THADA: variants seen among roughly 807,000 people sequenced by gnomAD.
The protein encoded by THADA is THADA armadillo repeat containing.
THADA carries 213 observed loss-of-function variants against 219.8 expected under a neutral mutation model. The observed-to-expected ratio is 0.97, with a 90% CI of 0.87 to 1.09. The LOEUF (loss-of-function observed/expected upper bound fraction) is 1.09, where lower values mean the gene tolerates loss of function less well. THADA is among the 50% of genes least tolerant of loss of function. The pLI, the probability that THADA is intolerant of heterozygous loss-of-function variation, is 0.00. For missense variants in THADA, 2,956 were observed against 2,311.3 expected, an observed-to-expected ratio of 1.28 and a Z score of -5.72; for synonymous variants, 1,018 against 828.9, an observed-to-expected ratio of 1.23 and a Z score of -3.92.
intron 21 of THADA, 92 bp from the exon 22 acceptor site, chr2:43,528,080 G>T: frequency 1.2e-6 from 1 of 830,552 alleles, no homozygotes; most frequent in Non-Finnish European, 2.0e-6. Context: ...CCAGGTCTAG[G>T]GGTCCATTCA....
intron 26 of THADA, among the ~76,000 whole-genome samples, chr2:43,461,518 T>C (rs982502622): frequency 6.6e-6 from 1 of 152,216 alleles, no homozygotes; most frequent in Non-Finnish European, 1.5e-5. Flanking sequence ...GATTTCCTTA[T>C]GTACCTGGAA....
intron 26 of THADA, 97 bp downstream of exon 26, chr2:43,485,137 G>T: frequency 1.2e-6 from 1 of 855,370 alleles, no homozygotes; most frequent in Non-Finnish European, 1.9e-6. Flanking sequence ...TGCTCTAGAT[G>T]AATCTATAAC....
Position 43,572,973 on chromosome 2 carries a change from T to C in THADA, c.1749A>G (p.Pro583=), listed in dbSNP as rs1425792565. 6.2e-7 allele frequency: 1 copy of C among 1,613,556 alleles called. No individual in the cohort carries two copies. The highest frequency in any genetic ancestry group is 8.5e-7 in the Non-Finnish European group (1 of 1,179,680). The stretch of plus-strand genomic sequence containing the variant: ...CCCTGCTATTACAAGACCCTAAGGA[T>C]GGGAAAGATTGCTCTTGTCCTGAAA... ...DAKTGQEQSF[P]SLGSCNSRGA... Residue 583 remains proline (P), a synonymous_variant, in exon 12 of 38, where the codon CCA becomes CCG. Coordinates refer to ENST00000405975, the MANE Select transcript of THADA (RefSeq NM_022065.5).
chr2:43,359,005 C>T (rs780975174), intron 29 of THADA, among the ~76,000 whole-genome samples: 2 of 152,090 alleles, frequency 1.3e-5, no homozygotes, highest in Non-Finnish European at 2.9e-5. Flanking sequence ...GGTGGTTGCC[C>T]TTCCCCCTCC....
At chr2:43,478,312 T>A (rs1573853926) in intron 26 of THADA, among the ~76,000 whole-genome samples, 1 of 152,280 alleles carries the variant, frequency 6.6e-6, no homozygotes, top group South Asian at 2.1e-4. Context: ...AATAAAGAAA[T>A]ATTATCCAAG....
chr2:43,370,695 G>C (rs983204660), intron 29 of THADA, among the ~76,000 whole-genome samples: 1 of 152,140 alleles, frequency 6.6e-6, no homozygotes, highest in Non-Finnish European at 1.5e-5. Flanking sequence ...TTCAACAAGG[G>C]TGTATCACAG....
chr2:43,390,815 C>A (rs1252981362), intron 29 of THADA, among the ~76,000 whole-genome samples: 1 of 152,192 alleles, frequency 6.6e-6, no homozygotes, highest in Non-Finnish European at 1.5e-5. Context: ...TGGCACGTAG[C>A]TGGTGTTCAA....
intron 26 of THADA, among the ~76,000 whole-genome samples, chr2:43,464,908 A>G (rs1684052967): frequency 6.6e-6 from 1 of 152,160 alleles, no homozygotes. Flanking sequence ...CTAGCCAGTA[A>G]CGAACATTTT....
At chr2:43,261,971 C>CA (rs1460738268) in intron 36 of THADA, among the ~76,000 whole-genome samples, 1 of 152,096 alleles carries the variant, frequency 6.6e-6, no homozygotes, top group African/African-American at 2.4e-5. Context: ...GGGGCTTTGC[C>CA]ACGTTAGCAA....
At chr2:43,240,874 G>C (rs1343100769) in intron 36 of THADA, among the ~76,000 whole-genome samples, 1 of 152,178 alleles carries the variant, frequency 6.6e-6, no homozygotes, top group Admixed American at 6.5e-5. Context: ...AAATGTGCTG[G>C]CCAGAGCTCT....
At chr2:43,591,682 T>C (rs1701588701) in intron 3 of THADA, among the ~76,000 whole-genome samples, 1 of 152,220 alleles carries the variant, frequency 6.6e-6, no homozygotes, top group Non-Finnish European at 1.5e-5. Context: ...GATTCATATA[T>C]TTTAAAATTT....
At chr2:43,489,135 A>G (rs987099380) in intron 25 of THADA, among the ~76,000 whole-genome samples, 1 of 152,116 alleles carries the variant, frequency 6.6e-6, no homozygotes, top group South Asian at 2.1e-4. Flanking sequence ...GTGTCCTTTG[A>G]AAAACATTTT....
chr2:43,435,474 G>C (rs1573633436), intron 26 of THADA, among the ~76,000 whole-genome samples: 1 of 147,570 alleles, frequency 6.8e-6, no homozygotes, highest in South Asian at 2.3e-4. Context: ...GGAAGGAAGG[G>C]AGGGAGGGAA....
At chr2:43,384,949 G>A (rs1023567697) in intron 29 of THADA, among the ~76,000 whole-genome samples, 7 of 151,904 alleles carry the variant, frequency 4.6e-5, no homozygotes, top group South Asian at 2.1e-4. Context: ...TAGATAAGCC[G>A]GGCTAACATG....
intron 7 of THADA, among the ~76,000 whole-genome samples, chr2:43,584,327 G>A (rs1387874604): frequency 6.6e-6 from 1 of 152,130 alleles, no homozygotes; most frequent in Non-Finnish European, 1.5e-5. Flanking sequence ...GATCTAACTT[G>A]GAGTAATAAA....
chr2:43,556,071 CTT>C (rs1697302274), intron 17 of THADA: 7 of 715,196 alleles, frequency 9.8e-6, no homozygotes, highest in Non-Finnish European at 1.3e-5. Flanking sequence ...AAAAAGCACA[CTT>C]TTGGTGGAGA....
intron 31 of THADA, among the ~76,000 whole-genome samples, chr2:43,312,589 G>C (rs1677635442): frequency 6.6e-6 from 1 of 152,100 alleles, no homozygotes; most frequent in Non-Finnish European, 1.5e-5. Flanking sequence ...CTGAAAGACA[G>C]CTAGGAAACA....
At position 43,342,268 on chromosome 2, in the gene THADA, T is replaced by C. The variant is rs150386888; in HGVS notation, c.4343+1854A>G. Among the ~76,000 whole-genome samples, 176 of 152,320 alleles carry C rather than the reference T, an allele frequency of 1.2e-3. 1 individual carries two copies. The highest frequency in any genetic ancestry group is 4.0e-3 in the African/African-American group (165 of 41,584). ...AAAAATGAGAGGCTCCCAATAACTT[T>C]ACCGGCATTTCAGACACAAGATAAT... is the stretch of plus-strand genomic sequence containing the variant. On this transcript the variant is annotated intron_variant, in intron 30 of 37. Coordinates refer to ENST00000405975, the MANE Select transcript of THADA (RefSeq NM_022065.5).
At chr2:43,584,037 T>TAAAAAAAAAAAAAAAAA (rs536050936) in intron 7 of THADA, among the ~76,000 whole-genome samples, 1 of 65,614 alleles carries the variant, frequency 1.5e-5, no homozygotes, top group African/African-American at 5.9e-5. Flanking sequence ...TTGTCTCAAT[T>TAAAAAAAAAAAAAAAAA]AAAAAAAAAA....
Sources: allele counts gnomAD v4.1 joint callset (sites outside exome capture counted in the v4.1 genomes callset), GRCh38; gene constraint gnomAD v4.1.1; transcripts MANE v1.5; gene names NCBI Gene and HGNC (gene_info 2026-07-23, HGNC 2026-07-21).